DYRK1A: variants seen among roughly 807,000 people sequenced by gnomAD.
DYRK1A encodes dual specificity tyrosine phosphorylation regulated kinase 1A.
In DYRK1A, 9 loss-of-function variants were observed where a neutral mutation model predicts 79.7. The ratio of observed to expected loss-of-function variants is 0.11; its 90% CI spans 0.07 to 0.20. The LOEUF (loss-of-function observed/expected upper bound fraction) is 0.20, where lower values mean the gene tolerates loss of function less well. Among genes scored for constraint, DYRK1A ranks in the 10% least tolerant of loss-of-function variants. The probability of loss-of-function intolerance (pLI) is 1.00; values close to 1 mark genes in which losing one functional copy is unlikely to be tolerated. For missense variants in DYRK1A, 622 were observed against 956.0 expected (o/e 0.65, Z 4.61); for synonymous variants, 349 against 329.7 (o/e 1.06, Z -0.63).
chr21:37,416,326 T>TTTTTTTTG (rs2050339005), intron 1 of DYRK1A, among the ~76,000 whole-genome samples: 2 of 149,712 alleles, frequency 1.3e-5, no homozygotes, highest in Non-Finnish European at 3.0e-5. Flanking sequence ...CCTTTTTTTT[T>TTTTTTTTG]TTTTTTTTTT....
chr21:37,455,740 A>G (rs1049402119), intron 2 of DYRK1A, among the ~76,000 whole-genome samples: 3 of 152,112 alleles, frequency 2.0e-5, no homozygotes, highest in Non-Finnish European at 4.4e-5. Flanking sequence ...GTTCCAGTCC[A>G]CCTTACACAT....
At chr21:37,468,591 G>A (rs2052114424) in intron 2 of DYRK1A, among the ~76,000 whole-genome samples, 1 of 152,190 alleles carries the variant, frequency 6.6e-6, no homozygotes, top group Admixed American at 6.5e-5. Flanking sequence ...TTTATGATAA[G>A]GATGGGGTTA....
In DYRK1A at chr21:37,480,911, G is replaced by C. The variant is rs577029286; in HGVS notation, c.489+85G>C. On this transcript the variant is annotated intron_variant, in intron 5 of 11. Transcript: ENST00000647188. ...TTGTTAACAGCCCTTCCTCAAGAGT[G>C]TACTTTTAATATTTGCAAATAGAGC... The C allele has an allele frequency of 8.5e-5, 95 of 1,120,324 alleles. No individual in the cohort carries two copies. The African/African-American group carries it at 1.3e-3, about 16-fold the overall frequency. The allele number at this position is 1,120,324 out of a possible 1,614,324, so 69.4% of individuals were successfully genotyped here.
chr21:37,486,447 T>C lies in DYRK1A; in HGVS notation c.490-20T>C. ...TTTTTGCAATTAATGAAATAGAGAA[T>C]TATTCATCTTCTCTTTTAGGTTGTA... On this transcript the variant is annotated intron_variant, in intron 5 of 11. Transcript: ENST00000647188. 7.1e-7 allele frequency: 1 copy of C among 1,416,860 alleles called. No individual in the cohort carries two copies. Among genetic ancestry groups the C allele is most frequent in the African/African-American group, 1.5e-5 (1 of 67,720 alleles). The allele number at this position is 1,416,860 out of a possible 1,614,324, so 87.8% of individuals were successfully genotyped here.
intron 9 of DYRK1A, among the ~76,000 whole-genome samples, chr21:37,498,204 TGAA>T (rs2053332758): frequency 6.6e-6 from 1 of 152,168 alleles, no homozygotes; most frequent in Non-Finnish European, 1.5e-5. Flanking sequence ...AGGTGCAGAA[TGAA>T]GAAGACAATA....
At chr21:37,383,416 T>C (rs555776177) in intron 1 of DYRK1A, among the ~76,000 whole-genome samples, 3 of 152,352 alleles carry the variant, frequency 2.0e-5, no homozygotes, top group Admixed American at 1.3e-4. Flanking sequence ...TAATACACTT[T>C]AATAACTTCC....
At chr21:37,498,727 G>GT (rs1328913700) in intron 9 of DYRK1A, among the ~76,000 whole-genome samples, 1 of 152,056 alleles carries the variant, frequency 6.6e-6, no homozygotes, top group Non-Finnish European at 1.5e-5. Context: ...TGGGGTATGT[G>GT]TTTACCTTCA....
chr21:37,383,591 G>C (rs529344778), intron 1 of DYRK1A, among the ~76,000 whole-genome samples: 1 of 152,170 alleles, frequency 6.6e-6, no homozygotes, highest in Non-Finnish European at 1.5e-5. Flanking sequence ...CATATATTAA[G>C]TGAAATACTT....
chr21:37,426,401 A>G (rs1210968574), intron 2 of DYRK1A, among the ~76,000 whole-genome samples: 1 of 152,200 alleles, frequency 6.6e-6, no homozygotes, highest in Non-Finnish European at 1.5e-5. Context: ...CATGCCAGAA[A>G]GAAATGTCCA....
chr21:37,516,405 A>G lies in DYRK1A; in HGVS notation c.*3874A>G, dbSNP rs899870857. ...GAGTAGAGGAGAAGTTCTGATTTTC[A>G]TAACCCTGGTTTCTTATCTAGGCCT... On this transcript the variant is annotated 3_prime_UTR_variant, in exon 12 of 12. Transcript: ENST00000647188. The G allele has an allele frequency of 6.6e-6, 1 of 152,204 alleles. No individual in the cohort carries two copies. Among genetic ancestry groups the G allele is most frequent in the African/African-American group, 2.4e-5 (1 of 41,454 alleles). The allele number at this position is 152,204 out of a possible 1,614,324, so 9.4% of individuals were successfully genotyped here.
intron 2 of DYRK1A, among the ~76,000 whole-genome samples, chr21:37,435,890 A>G (rs1356785609): frequency 1.3e-5 from 2 of 152,104 alleles, no homozygotes; most frequent in East Asian, 1.9e-4. Context: ...ACCTCCTGCT[A>G]TTACTTTTCT....
chr21:37,464,095 A>G (rs1312837473), intron 2 of DYRK1A, among the ~76,000 whole-genome samples: 1 of 152,188 alleles, frequency 6.6e-6, no homozygotes, highest in East Asian at 1.9e-4. Context: ...CGTGTGGGTT[A>G]TGTATCAGAG....
chr21:37,485,312 AGCATATCAGAACCCCTTG>A (rs1188636756), intron 5 of DYRK1A, among the ~76,000 whole-genome samples: 1 of 152,192 alleles, frequency 6.6e-6, no homozygotes, highest in Admixed American at 6.5e-5. Context: ...GTGAAGCAGA[AGCATATCAGAACCCCTTG>A]GCCACATGTT....
At chr21:37,414,245 G>GTT (rs56982813) in intron 1 of DYRK1A, among the ~76,000 whole-genome samples, 1 of 151,728 alleles carries the variant, frequency 6.6e-6, no homozygotes, top group Admixed American at 6.6e-5. Flanking sequence ...TTTTTTCTCT[G>GTT]TTTTTCCTCC....
At chr21:37,423,164 GA>G (rs958270252) in intron 2 of DYRK1A, among the ~76,000 whole-genome samples, 2 of 152,146 alleles carry the variant, frequency 1.3e-5, no homozygotes, top group Non-Finnish European at 2.9e-5. Context: ...CATGCAGAGA[GA>G]AAGTAGAGAG....
In DYRK1A at chr21:37,514,687, CA is replaced by C. The variant is rs2053851268; in HGVS notation, c.*2158del. ...CCATATTTATTTTGTAATTAACTGT[CA>C]AGCCTGTGGATGATTTTTTTGAACT... On this transcript the variant is annotated 3_prime_UTR_variant, in exon 12 of 12. Coordinates refer to ENST00000647188, the MANE Select transcript of DYRK1A (RefSeq NM_001347721.2). 1 of 152,570 alleles carries C rather than the reference CA, an allele frequency of 6.6e-6. No individual in the cohort carries two copies. Among genetic ancestry groups the C allele is most frequent in the Non-Finnish European group, 1.5e-5 (1 of 68,028 alleles). The allele number at this position is 152,570 out of a possible 1,614,324, so 9.5% of individuals were successfully genotyped here.
chr21:37,371,697 G>T (rs73214094), intron 1 of DYRK1A, among the ~76,000 whole-genome samples: 11,482 of 152,150 alleles, frequency 0.075, 646 homozygotes, highest in Non-Finnish European at 0.11. Context: ...CTGATACATA[G>T]TGAGTAATAG....
At chr21:37,374,009 A>G (rs184000111) in intron 1 of DYRK1A, among the ~76,000 whole-genome samples, 2 of 152,312 alleles carry the variant, frequency 1.3e-5, no homozygotes, top group South Asian at 2.1e-4. Flanking sequence ...CCGTTATGCA[A>G]AATATAAGTA....
chr21:37,380,556 A>G (rs1001284363), intron 1 of DYRK1A, among the ~76,000 whole-genome samples: 2 of 152,176 alleles, frequency 1.3e-5, no homozygotes, highest in Non-Finnish European at 2.9e-5. Context: ...TTTAAGATTC[A>G]CGGGAGACAG....
Sources: allele counts gnomAD v4.1 joint callset (sites outside exome capture counted in the v4.1 genomes callset), GRCh38; gene constraint gnomAD v4.1.1; transcripts MANE v1.5; gene names NCBI Gene and HGNC (gene_info 2026-07-23, HGNC 2026-07-21).